Variants in CHST11 observed in about 807,000 individuals in gnomAD.
CHST11 encodes C4S-1.
A neutral mutation model predicts 30.4 loss-of-function variants in CHST11; 9 were observed. The observed-to-expected ratio is 0.30, with a 90% CI of 0.18 to 0.52. The LOEUF is 0.52. CHST11 is among the 20% of genes least tolerant of loss of function. The probability of loss-of-function intolerance (pLI) is 0.97; values close to 1 mark genes in which losing one functional copy is unlikely to be tolerated. For missense variants in CHST11, 348 were observed against 460.6 expected, an observed-to-expected ratio of 0.76 and a Z score of 2.24; for synonymous variants, 152 against 187.8, an observed-to-expected ratio of 0.81 and a Z score of 1.56.
At chr12:104,708,572 G>A (rs189092903) in intron 2 of CHST11, among the ~76,000 whole-genome samples, 6 of 152,272 alleles carry the variant, frequency 3.9e-5, no homozygotes, top group African/African-American at 9.6e-5. Context: ...GGTGCTCAGG[G>A]TGTCCCTACT....
Position 104,643,182 on chromosome 12 carries a change from TG to T in CHST11, c.204+41194del, listed in dbSNP as rs552886821. ...TCTACAAAAAAATTAAAAAATTAGC[TG>T]GGCATGACGGCACATGCCTGTAGTC... On this transcript the variant is annotated intron_variant, in intron 2 of 2. Coordinates refer to ENST00000303694, the MANE Select transcript of CHST11 (RefSeq NM_018413.6). 1.4e-3 allele frequency among the ~76,000 whole-genome samples: 216 copies of T among 151,714 alleles called. 1 individual carries two copies. Among genetic ancestry groups the T allele is most frequent in the African/African-American group, 5.0e-3 (207 of 41,324 alleles).
intron 2 of CHST11, among the ~76,000 whole-genome samples, chr12:104,719,459 T>A (rs537217952): frequency 3.9e-5 from 6 of 152,200 alleles, no homozygotes; most frequent in African/African-American, 1.4e-4. Context: ...ACTCTGTCTC[T>A]CTCGTGCACA....
intron 1 of CHST11, among the ~76,000 whole-genome samples, chr12:104,568,154 A>T (rs1487298411): frequency 1.3e-5 from 2 of 152,116 alleles, no homozygotes; most frequent in Non-Finnish European, 2.9e-5. Flanking sequence ...GGGTCCCATG[A>T]TCAGGGCTGC....
At chr12:104,523,451 C>T (rs900122224) in intron 1 of CHST11, among the ~76,000 whole-genome samples, 1 of 152,138 alleles carries the variant, frequency 6.6e-6, no homozygotes, top group Non-Finnish European at 1.5e-5. Context: ...CAACGTGTGG[C>T]CTCAGATGTT....
intron 2 of CHST11, among the ~76,000 whole-genome samples, chr12:104,719,886 C>A (rs1298238348): frequency 6.6e-6 from 1 of 152,220 alleles, no homozygotes; most frequent in Non-Finnish European, 1.5e-5. Flanking sequence ...TTCTACGTAA[C>A]AATCCAGGCC....
At chr12:104,523,428 A>G (rs550581791) in intron 1 of CHST11, among the ~76,000 whole-genome samples, 2 of 152,338 alleles carry the variant, frequency 1.3e-5, no homozygotes, top group Non-Finnish European at 2.9e-5. Flanking sequence ...CTACCTGGGT[A>G]TAACCTGGCA....
intron 2 of CHST11, among the ~76,000 whole-genome samples, chr12:104,659,827 T>C (rs2039582243): frequency 6.6e-6 from 1 of 150,912 alleles, no homozygotes; most frequent in South Asian, 2.1e-4. Flanking sequence ...AAATAATTTT[T>C]AAAAATTAGC....
At chr12:104,558,345 T>A (rs1044147236) in intron 1 of CHST11, among the ~76,000 whole-genome samples, 1 of 152,076 alleles carries the variant, frequency 6.6e-6, no homozygotes, top group Non-Finnish European at 1.5e-5. Context: ...TGTACCTGTC[T>A]TTATGATTTG....
At chr12:104,475,313 T>C (rs1227098794) in intron 1 of CHST11, among the ~76,000 whole-genome samples, 2 of 152,014 alleles carry the variant, frequency 1.3e-5, no homozygotes, top group Non-Finnish European at 2.9e-5. Flanking sequence ...AGACCCATAA[T>C]TGTTAGCTGT....
At chr12:104,525,348 A>G (rs2038115391) in intron 1 of CHST11, among the ~76,000 whole-genome samples, 1 of 152,216 alleles carries the variant, frequency 6.6e-6, no homozygotes, top group Non-Finnish European at 1.5e-5. Context: ...TTTTTGAACC[A>G]TAAGTTTAAA....
chr12:104,639,066 G>T (rs759833807), intron 2 of CHST11, among the ~76,000 whole-genome samples: 30 of 152,286 alleles, frequency 2.0e-4, no homozygotes, highest in Non-Finnish European at 3.5e-4. Flanking sequence ...AGGAACTGGG[G>T]TTCTCAGAAT....
At chr12:104,586,492 G>T (rs2038805249) in intron 1 of CHST11, among the ~76,000 whole-genome samples, 1 of 152,230 alleles carries the variant, frequency 6.6e-6, no homozygotes, top group Admixed American at 6.5e-5. Context: ...AGGCAGGTTT[G>T]GAGTTAATGC....
chr12:104,673,372 A>G (rs572017308), intron 2 of CHST11, among the ~76,000 whole-genome samples: 3 of 152,314 alleles, frequency 2.0e-5, no homozygotes, highest in East Asian at 3.9e-4. Flanking sequence ...GAGGCTTTCT[A>G]GGGTGAGCCT....
intron 2 of CHST11, among the ~76,000 whole-genome samples, chr12:104,684,859 A>G (rs1016544400): frequency 2.0e-5 from 3 of 152,042 alleles, no homozygotes; most frequent in African/African-American, 7.2e-5. Context: ...GCCCCAAAAC[A>G]CCTTTGTTCA....
chr12:104,753,721 A>T (rs2040453120), intron 2 of CHST11, among the ~76,000 whole-genome samples: 1 of 152,238 alleles, frequency 6.6e-6, no homozygotes, highest in African/African-American at 2.4e-5. Context: ...GGCTCTACCC[A>T]ACATTAAAGG....
intron 2 of CHST11, among the ~76,000 whole-genome samples, chr12:104,612,732 C>T (rs766671202): frequency 2.6e-5 from 4 of 152,156 alleles, no homozygotes; most frequent in Non-Finnish European, 1.5e-5. Context: ...CTCCTGTGCA[C>T]TGTTGGTGGG....
chr12:104,546,720 CTGCTT>C (rs1336074899), intron 1 of CHST11, among the ~76,000 whole-genome samples: 1 of 152,140 alleles, frequency 6.6e-6, no homozygotes, highest in Non-Finnish European at 1.5e-5. Context: ...GTTCCTGCAG[CTGCTT>C]TGATCTAACT....
In CHST11 at chr12:104,729,690, G is replaced by A. The variant is rs1415757920; in HGVS notation, c.205-27259G>A. Among the ~76,000 whole-genome samples the A allele has an allele frequency of 6.6e-6, 1 of 152,204 alleles. No homozygotes were observed. The highest frequency in any genetic ancestry group is 2.4e-5 in the African/African-American group (1 of 41,446). Reference sequence around the variant, plus strand: ...TGCTGGAGAAGTGAGAAGTGGGTGTGCAGAATCGTACGGTGTGCAGACGGT... The same window carrying A: ...TGCTGGAGAAGTGAGAAGTGGGTGTACAGAATCGTACGGTGTGCAGACGGT... On this transcript the variant is annotated intron_variant, in intron 2 of 2. Coordinates refer to ENST00000303694, the MANE Select transcript of CHST11 (RefSeq NM_018413.6). This position sits in a 1 kb window ranked among gnomAD's most constrained non-coding sequence, Gnocchi z 4.0.
At chr12:104,482,344 G>A (rs1482095758) in intron 1 of CHST11, among the ~76,000 whole-genome samples, 1 of 88,960 alleles carries the variant, frequency 1.1e-5, no homozygotes, top group Non-Finnish European at 2.3e-5. Flanking sequence ...CAAACAGGGA[G>A]CCCCCCCCCG....
Sources: gnomAD v4.1 joint callset for allele counts (sites outside exome capture counted in the v4.1 genomes callset) on GRCh38, gnomAD v4.1.1 for gene constraint, Gnocchi (gnomAD v3.1) non-coding constraint, MANE v1.5 for transcripts, NCBI Gene and HGNC (gene_info 2026-07-23, HGNC 2026-07-21) for gene names.